NR1H4: variants seen among roughly 807,000 people sequenced by gnomAD.
NR1H4 encodes nuclear receptor subfamily 1 group H member 4.
A neutral mutation model predicts 58.5 loss-of-function variants in NR1H4; 23 were observed. The ratio of observed to expected loss-of-function variants is 0.39; its 90% confidence interval spans 0.28 to 0.56. The LOEUF (loss-of-function observed/expected upper bound fraction) is 0.56, where lower values mean the gene tolerates loss of function less well. Among genes scored for constraint, NR1H4 ranks in the 20% least tolerant of loss-of-function variants. NR1H4 has a pLI of 0.58. For missense variants in NR1H4, 487 were observed against 576.9 expected (o/e 0.84, Z 1.60); for synonymous variants, 214 against 198.0 (o/e 1.08, Z -0.68).
At chr12:100,493,036 T>C (rs547379141) in intron 2 of NR1H4, among the ~76,000 whole-genome samples, 1 of 152,300 alleles carries the variant, frequency 6.6e-6, no homozygotes, top group Admixed American at 6.5e-5. Context: ...ACGGTGTTTT[T>C]TTCAGATAAA....
chr12:100,509,910 T>TGC lies in NR1H4; in HGVS notation c.80-863_80-862dup, dbSNP rs200179932. 2.5e-4 allele frequency among the ~76,000 whole-genome samples: 38 copies of TGC among 151,472 alleles called. No homozygotes were observed. The East Asian group carries it at 5.4e-3, about 22-fold the overall frequency. On this transcript the variant is annotated intron_variant, in intron 3 of 10. Coordinates refer to ENST00000392986, the MANE Select transcript of NR1H4 (RefSeq NM_001206979.2). ...AAATTTGTCTTTGCACGTGGGCACG[T>TGC]GCGCGCACACACACACACACACACA...
rs537264432 is a variant in NR1H4, at chr12:100,510,613, ATAT to A, written c.80-164_80-162del. On this transcript the variant is annotated intron_variant, in intron 3 of 10. Transcript: ENST00000392986. ...TTTAATTTGTCATTTAATTTTATAT[ATAT>A]ATATATATATATATATATACTCTAA... 6.2e-3 allele frequency among the ~76,000 whole-genome samples: 831 copies of A among 135,056 alleles called. 7 individuals are homozygous for A. Among genetic ancestry groups the A allele is most frequent in the Non-Finnish European group, 7.2e-3 (480 of 66,474 alleles). 88.6% of individuals were successfully genotyped at this position (135,056 alleles called of 152,430 possible). A position where few individuals can be genotyped will look rare whatever the true frequency, so the allele number is the denominator to read the frequency against.
intron 1 of NR1H4, among the ~76,000 whole-genome samples, chr12:100,483,202 A>G (rs1205379873): frequency 6.6e-6 from 1 of 152,140 alleles, no homozygotes; most frequent in Non-Finnish European, 1.5e-5. Flanking sequence ...CTGGGATTAC[A>G]GGCATGAGCC....
chr12:100,530,623 T>C lies in NR1H4; in HGVS notation c.446-1835T>C, dbSNP rs150206012. On this transcript the variant is annotated intron_variant, in intron 4 of 10. Coordinates refer to ENST00000392986, the MANE Select transcript of NR1H4 (RefSeq NM_001206979.2). The stretch of plus-strand genomic sequence containing the variant: ...TGAAGAGATCAGGAGTTGGAAATTA[T>C]AGAGAGGTCTTATAAAGATTTTGGA... Among the ~76,000 whole-genome samples, 14 of 152,296 alleles carry C rather than the reference T, an allele frequency of 9.2e-5. No individual in the cohort carries two copies. In the East Asian group the frequency reaches 2.7e-3, roughly 29 times the overall value.
In NR1H4 at chr12:100,563,408, C is replaced by G. The variant is rs769744102; in HGVS notation, c.1350C>G (p.His450Gln). ...RLTELRTFNH[H>Q]HAEMLMSWRV... ...CTGAATTACGGACATTCAATCATCA[C>G]CACGCTGAGATGCTGATGTCATGGA... The change falls in exon 11 of 11, where the codon CAC becomes CAG. Residue 450 changes from histidine (H) to glutamine (Q), a missense_variant. By Grantham distance (24) the His-to-Gln change is conservative (BLOSUM62 0). Transcript: ENST00000392986. 6.2e-7 allele frequency: 1 copy of G among 1,614,128 alleles called. No homozygotes were observed. Among genetic ancestry groups the G allele is most frequent in the Non-Finnish European group, 8.5e-7 (1 of 1,180,026 alleles).
At chr12:100,485,834 G>A (rs533403570) in intron 1 of NR1H4, among the ~76,000 whole-genome samples, 18 of 151,898 alleles carry the variant, frequency 1.2e-4, no homozygotes, top group Admixed American at 2.6e-4. Context: ...ATGCCCAGCC[G>A]CTAGTTCATT....
chr12:100,513,656 A>G (rs1186592978), intron 4 of NR1H4, among the ~76,000 whole-genome samples: 1 of 152,142 alleles, frequency 6.6e-6, no homozygotes, highest in Non-Finnish European at 1.5e-5. Flanking sequence ...TTAGCTGGGC[A>G]TAGTGGCACG....
intron 1 of NR1H4, among the ~76,000 whole-genome samples, chr12:100,482,807 G>A (rs1305129223): frequency 6.6e-6 from 1 of 152,124 alleles, no homozygotes; most frequent in African/African-American, 2.4e-5. Context: ...TCAACTCCAG[G>A]TGCTTCTTCT....
intron 4 of NR1H4, among the ~76,000 whole-genome samples, chr12:100,513,567 G>C (rs1954178480): frequency 6.6e-6 from 1 of 152,114 alleles, no homozygotes; most frequent in Admixed American, 6.5e-5. Flanking sequence ...GGCCGAGGTG[G>C]GGGGATCACC....
At chr12:100,526,666 C>G (rs1021917475) in intron 4 of NR1H4, among the ~76,000 whole-genome samples, 1 of 152,150 alleles carries the variant, frequency 6.6e-6, no homozygotes, top group African/African-American at 2.4e-5. Context: ...GGACATCTTA[C>G]CCCAGGGTTT....
intron 6 of NR1H4, 66 bp downstream of exon 6, chr12:100,535,089 G>A: frequency 6.3e-7 from 1 of 1,588,488 alleles, no homozygotes; most frequent in South Asian, 1.1e-5. Flanking sequence ...ATAGTGAGCT[G>A]GCCAGGAGGC....
At chr12:100,530,031 T>G (rs1954654614) in intron 4 of NR1H4, among the ~76,000 whole-genome samples, 1 of 152,202 alleles carries the variant, frequency 6.6e-6, no homozygotes, top group African/African-American at 2.4e-5. Flanking sequence ...TCACTCATAT[T>G]TTATATTATG....
intron 9 of NR1H4, among the ~76,000 whole-genome samples, chr12:100,547,959 A>T (rs887535394): frequency 6.7e-6 from 1 of 150,326 alleles, no homozygotes; most frequent in African/African-American, 2.4e-5. Flanking sequence ...TGACCTCATG[A>T]TTCGCCCGCC....
At chr12:100,506,057 A>T (rs888501161) in intron 3 of NR1H4, among the ~76,000 whole-genome samples, 2 of 151,646 alleles carry the variant, frequency 1.3e-5, no homozygotes, top group African/African-American at 4.9e-5. Context: ...AGAGAGAGAG[A>T]ACATGAGCAT....
At chr12:100,493,848 C>T (rs1283790419) in intron 3 of NR1H4, among the ~76,000 whole-genome samples, 1 of 152,126 alleles carries the variant, frequency 6.6e-6, no homozygotes, top group Non-Finnish European at 1.5e-5. Flanking sequence ...ATCTATGGCA[C>T]AGTGTCAGGA....
intron 3 of NR1H4, among the ~76,000 whole-genome samples, chr12:100,499,602 A>G (rs1047785008): frequency 6.6e-6 from 1 of 152,204 alleles, no homozygotes; most frequent in African/African-American, 2.4e-5. Flanking sequence ...AAGGTGTGCA[A>G]TGAGTCAGAG....
intron 9 of NR1H4, among the ~76,000 whole-genome samples, chr12:100,548,386 A>AG (rs1565779562): frequency 6.8e-6 from 1 of 148,050 alleles, no homozygotes; most frequent in Non-Finnish European, 1.5e-5. Context: ...AAAAAAAAAA[A>AG]GAATACCTCT....
intron 2 of NR1H4, 73 bp from the exon 3 acceptor site, chr12:100,493,197 G>A (rs1198990021): frequency 7.3e-6 from 5 of 687,210 alleles, no homozygotes; most frequent in African/African-American, 3.6e-5. Flanking sequence ...CTATCTCGCT[G>A]TCTCCTTCCC....
At chr12:100,525,577 T>G (rs1954534541) in intron 4 of NR1H4, among the ~76,000 whole-genome samples, 1 of 152,160 alleles carries the variant, frequency 6.6e-6, no homozygotes, top group Non-Finnish European at 1.5e-5. Flanking sequence ...ACACTAAATT[T>G]AAAAAGAAAA....
Sources: gnomAD v4.1 joint callset for allele counts (sites outside exome capture counted in the v4.1 genomes callset) on GRCh38, gnomAD v4.1.1 for gene constraint, MANE v1.5 for transcripts, NCBI Gene and HGNC (gene_info 2026-07-23, HGNC 2026-07-21) for gene names.